Variants in BCO1 observed in about 807,000 individuals in gnomAD.
BCO1 encodes the protein beta-carotene oxygenase 1.
A neutral mutation model predicts 56.3 loss-of-function variants in BCO1; 54 were observed. That is an observed-to-expected ratio of 0.96 (90% CI 0.77 to 1.20). The LOEUF is 1.20. BCO1 is among the 50% of genes most tolerant of loss of function. BCO1 has a pLI of 0.00. For synonymous variants in BCO1, 318 were observed against 266.1 expected, an observed-to-expected ratio of 1.20 and a Z score of -1.90; for missense variants, 801 against 690.9, an observed-to-expected ratio of 1.16 and a Z score of -1.79.
At chr16:81,262,032 A>G (rs148977820) in intron 3 of BCO1, 104 bp from the exon 4 acceptor site, 17,518 of 1,418,774 alleles carry the variant, frequency 0.012, 187 homozygotes, top group Middle Eastern at 0.044. Context: ...ACCCGGCCGA[A>G]GTAAAGCATT....
intron 10 of BCO1, among the ~76,000 whole-genome samples, chr16:81,288,715 A>C (rs866746678): frequency 5.9e-4 from 90 of 152,344 alleles, no homozygotes; most frequent in African/African-American, 2.1e-3. Flanking sequence ...AATGCTTCAG[A>C]AATGCCCTGC....
At chr16:81,270,037 C>A in intron 6 of BCO1, 122 bp from the exon 7 acceptor site, 1 of 1,261,662 alleles carries the variant, frequency 7.9e-7, no homozygotes, top group Non-Finnish European at 1.1e-6. Flanking sequence ...ACACAGAATG[C>A]AGAATGGGGA....
intron 7 of BCO1, among the ~76,000 whole-genome samples, chr16:81,273,708 C>T (rs1436766513): frequency 1.3e-5 from 2 of 151,938 alleles, no homozygotes; most frequent in African/African-American, 4.8e-5. Flanking sequence ...CATCACTACC[C>T]AGTAGAAAGC....
At chr16:81,263,916 C>G (rs1445705216) in intron 4 of BCO1, 1 of 152,944 alleles carries the variant, frequency 6.5e-6, no homozygotes, top group Non-Finnish European at 1.5e-5. Flanking sequence ...ATCGGTCCAA[C>G]TGATGATGCT....
At chr16:81,258,713 AGACATATTTTGCATT>A (rs1233407105) in intron 2 of BCO1, among the ~76,000 whole-genome samples, 2 of 152,262 alleles carry the variant, frequency 1.3e-5, no homozygotes, top group Non-Finnish European at 2.9e-5. Flanking sequence ...AGCTAAGAAC[AGACATATTTTGCATT>A]GACATATTTT....
intron 2 of BCO1, among the ~76,000 whole-genome samples, chr16:81,251,607 CA>C (rs1905802347): frequency 1.3e-5 from 2 of 151,330 alleles, no homozygotes; most frequent in Admixed American, 6.6e-5. Flanking sequence ...AAGATATGAA[CA>C]AAAAAAGCAG....
chr16:81,264,894 C>G, intron 5 of BCO1, 107 bp downstream of exon 5: 1 of 1,305,126 alleles, frequency 7.7e-7, no homozygotes, highest in Non-Finnish European at 1.1e-6. Context: ...GTACTTTCTC[C>G]CGTAGATTAT....
chr16:81,244,594 C>T (rs910524906), intron 1 of BCO1, among the ~76,000 whole-genome samples: 2 of 152,132 alleles, frequency 1.3e-5, no homozygotes, highest in Non-Finnish European at 2.9e-5. Context: ...TACCTACTCT[C>T]CCTCAAGACT....
At chr16:81,255,747 C>T (rs922736155) in intron 2 of BCO1, among the ~76,000 whole-genome samples, 5 of 151,524 alleles carry the variant, frequency 3.3e-5, no homozygotes, top group African/African-American at 7.3e-5. Flanking sequence ...CCTTGTGATC[C>T]GCCTGCCTCA....
Position 81,244,661 on chromosome 16 carries a change from G to A in BCO1, c.65-814G>A, listed in dbSNP as rs78851412. ...ACACCCTCCTGCTCTCAGCCCACCC[G>A]AGGGCTGTTCTGTTTCACAAAGAAC... On this transcript the variant is annotated intron_variant, in intron 1 of 10. Transcript: ENST00000258168. Among the ~76,000 whole-genome samples, 1,244 of 151,618 alleles carry A rather than the reference G, an allele frequency of 8.2e-3. 8 individuals are homozygous for A. The highest frequency in any genetic ancestry group is 0.013 in the Non-Finnish European group (900 of 67,940).
At position 81,278,252 on chromosome 16, in the gene BCO1, G is replaced by A. The variant is rs1005110019; in HGVS notation, c.1102-2605G>A. Among the ~76,000 whole-genome samples, 4 of 152,078 alleles carry A rather than the reference G, an allele frequency of 2.6e-5. No individual in the cohort carries two copies. In the South Asian group the frequency reaches 8.3e-4, roughly 32 times the overall value. ...AGATGGGGTTTCACCATGTTAGCCAGGCTGGTCTCGAACTCCTGACCTCAG... is the reference window on the plus strand; with the variant it reads ...AGATGGGGTTTCACCATGTTAGCCAAGCTGGTCTCGAACTCCTGACCTCAG... On this transcript the variant is annotated intron_variant, in intron 7 of 10. Transcript: ENST00000258168.
chr16:81,264,799 T>TG lies in BCO1; in HGVS notation c.619+16dup. 6.2e-7 allele frequency: 1 copy of TG among 1,614,076 alleles called. No homozygotes were observed. The highest frequency in any genetic ancestry group is 2.2e-5 in the East Asian group (1 of 44,876). On this transcript the variant is annotated intron_variant, in intron 5 of 10. Coordinates refer to ENST00000258168, the MANE Select transcript of BCO1 (RefSeq NM_017429.3). ...TGCCACAGTACCAGGTAGGCCACTC[T>TG]GGGGAATTGAATAAAACACAAACAA...
intron 7 of BCO1, among the ~76,000 whole-genome samples, chr16:81,274,621 G>A (rs1315338244): frequency 6.7e-6 from 1 of 148,344 alleles, no homozygotes; most frequent in Non-Finnish European, 1.5e-5. Flanking sequence ...GCTCACGCCT[G>A]TAATCCCAAC....
intron 10 of BCO1, among the ~76,000 whole-genome samples, chr16:81,289,670 G>A (rs983276698): frequency 2.0e-5 from 3 of 151,952 alleles, no homozygotes; most frequent in Non-Finnish European, 2.9e-5. Context: ...ACAAAAAACC[G>A]AATACCACTC....
chr16:81,275,527 A>G (rs1474992490), intron 7 of BCO1, among the ~76,000 whole-genome samples: 1 of 152,184 alleles, frequency 6.6e-6, no homozygotes. Context: ...TAACTTGTTC[A>G]TTTCCCTCTT....
chr16:81,279,340 C>T (rs774392670), intron 7 of BCO1, among the ~76,000 whole-genome samples: 18 of 152,140 alleles, frequency 1.2e-4, no homozygotes, highest in Admixed American at 2.0e-4. Context: ...AATGAGAAGT[C>T]AGCCATAACA....
intron 2 of BCO1, among the ~76,000 whole-genome samples, chr16:81,249,217 C>T (rs930855420): frequency 2.0e-5 from 3 of 151,610 alleles, no homozygotes; most frequent in Non-Finnish European, 2.9e-5. Context: ...CAGCCTCCGG[C>T]GTAGCTAGGA....
intron 4 of BCO1, chr16:81,262,546 G>A (rs1280853194): frequency 6.9e-6 from 3 of 436,594 alleles, no homozygotes; most frequent in South Asian, 4.1e-5. Flanking sequence ...AACAGAAATT[G>A]GCTGGGTGTG....
chr16:81,269,390 G>A (rs946210924), intron 6 of BCO1, among the ~76,000 whole-genome samples: 1 of 151,396 alleles, frequency 6.6e-6, no homozygotes, highest in Non-Finnish European at 1.5e-5. Flanking sequence ...CTCCGCCTAC[G>A]TATCAAGCTA....
Sources: gnomAD v4.1 joint callset for allele counts (sites outside exome capture counted in the v4.1 genomes callset) on GRCh38, gnomAD v4.1.1 for gene constraint, MANE v1.5 for transcripts, NCBI Gene and HGNC (gene_info 2026-07-23, HGNC 2026-07-21) for gene names.